The following ADNP2 variants were observed in gnomAD, a reference collection of about 807,000 sequenced individuals.
ADNP2 encodes the protein ADNP homeobox 2.
In ADNP2, 8 loss-of-function variants were observed where a neutral mutation model predicts 16.4. The observed-to-expected ratio is 0.49, with a 90% confidence interval of 0.29 to 0.88. The LOEUF (loss-of-function observed/expected upper bound fraction) is 0.88. Ranked by LOEUF, ADNP2 falls within the 40% of genes least tolerant of loss-of-function variation. The pLI is 0.09. For missense variants in ADNP2, 1,397 were observed against 1,395.1 expected (o/e 1.00, Z -0.02); for synonymous variants, 637 against 545.8 (o/e 1.17, Z -2.33).
At chr18:80,116,696 G>A (rs1042984869) in intron 1 of ADNP2, among the ~76,000 whole-genome samples, 4 of 152,148 alleles carry the variant, frequency 2.6e-5, no homozygotes, top group African/African-American at 9.7e-5. Context: ...GAATATAGTG[G>A]CGTGATCAGA....
At chr18:80,128,200 T>G (rs1427066146) in intron 2 of ADNP2, among the ~76,000 whole-genome samples, 1 of 152,240 alleles carries the variant, frequency 6.6e-6, no homozygotes, top group South Asian at 2.1e-4. Context: ...GTTTTGAAGA[T>G]GTACTGACAG....
chr18:80,117,884 T>C (rs1003347119), intron 2 of ADNP2, among the ~76,000 whole-genome samples: 17 of 152,210 alleles, frequency 1.1e-4, no homozygotes, highest in Admixed American at 1.1e-3. Flanking sequence ...ACTAAAAAAT[T>C]GTTTTTGATG....
In ADNP2 at chr18:80,138,182, G is replaced by A. The variant is rs770122768; in HGVS notation, c.2769G>A (p.Thr923=). 6.2e-6 allele frequency: 10 copies of A among 1,614,006 alleles called. No individual in the cohort carries two copies. Among genetic ancestry groups the A allele is most frequent in the African/African-American group, 2.7e-5 (2 of 74,920 alleles). ...FKCIHCCGVY[T]GNMTLAAIAV... is the part of the protein sequence containing the mutation. ...GCATCCACTGCTGTGGGGTCTACAC[G>A]GGAAATATGACCCTGGCTGCCATCG... is the stretch of plus-strand genomic sequence containing the variant. Residue 923 remains threonine, a synonymous_variant, in exon 4 of 4, where the codon ACG becomes ACA. Transcript: ENST00000262198.
intron 1 of ADNP2, among the ~76,000 whole-genome samples, chr18:80,113,269 C>T (rs1424654053): frequency 1.3e-5 from 2 of 152,106 alleles, no homozygotes; most frequent in African/African-American, 4.8e-5. Context: ...TAAATCTCTC[C>T]TTTTGCTGAG....
intron 2 of ADNP2, among the ~76,000 whole-genome samples, chr18:80,126,345 A>G (rs1568411491): frequency 6.6e-6 from 1 of 152,188 alleles, no homozygotes; most frequent in Non-Finnish European, 1.5e-5. Flanking sequence ...GAAAAAAATT[A>G]TATTGATCTA....
intron 2 of ADNP2, among the ~76,000 whole-genome samples, chr18:80,125,913 G>A (rs2052455574): frequency 6.6e-6 from 1 of 152,194 alleles, no homozygotes. Flanking sequence ...GCAGGATTGA[G>A]TAGTTGTATG....
intron 1 of ADNP2, among the ~76,000 whole-genome samples, chr18:80,116,842 C>T (rs1429577419): frequency 1.3e-5 from 2 of 152,048 alleles, no homozygotes; most frequent in Non-Finnish European, 2.9e-5. Context: ...CACCATGTTG[C>T]CCTGGCTGGT....
At chr18:80,127,238 G>T (rs1450061840) in intron 2 of ADNP2, among the ~76,000 whole-genome samples, 1 of 151,998 alleles carries the variant, frequency 6.6e-6, no homozygotes, top group Non-Finnish European at 1.5e-5. Flanking sequence ...CATCCACTGG[G>T]GTCTTGGAAC....
At chr18:80,132,005 T>C (rs2052500028) in intron 2 of ADNP2, among the ~76,000 whole-genome samples, 1 of 152,232 alleles carries the variant, frequency 6.6e-6, no homozygotes, top group African/African-American at 2.4e-5. Context: ...ATGAAGATTG[T>C]TTTACTTTGA....
intron 1 of ADNP2, among the ~76,000 whole-genome samples, chr18:80,114,644 T>C (rs888852761): frequency 2.0e-5 from 3 of 152,200 alleles, no homozygotes; most frequent in South Asian, 2.1e-4. Context: ...TATAACTATA[T>C]AGATTATCAC....
At chr18:80,117,026 A>G (rs954691911) in intron 1 of ADNP2, among the ~76,000 whole-genome samples, 4 of 152,162 alleles carry the variant, frequency 2.6e-5, no homozygotes, top group Middle Eastern at 3.2e-3. Flanking sequence ...AAACTGGGTT[A>G]TCTGTGTTTT....
intron 1 of ADNP2, among the ~76,000 whole-genome samples, chr18:80,113,499 A>G (rs907525695): frequency 5.8e-4 from 88 of 151,084 alleles, no homozygotes; most frequent in Non-Finnish European, 1.2e-3. Flanking sequence ...TTACCTCAAT[A>G]ATTTTTTGAT....
At chr18:80,123,086 C>G (rs2052435396) in intron 2 of ADNP2, among the ~76,000 whole-genome samples, 1 of 151,910 alleles carries the variant, frequency 6.6e-6, no homozygotes, top group Non-Finnish European at 1.5e-5. Flanking sequence ...ATTTTTTTCC[C>G]CCGTGCTTCA....
chr18:80,118,053 C>T (rs2052400464), intron 2 of ADNP2, among the ~76,000 whole-genome samples: 1 of 151,838 alleles, frequency 6.6e-6, no homozygotes, highest in Non-Finnish European at 1.5e-5. Context: ...AAAAGTTTTC[C>T]TAAAATTTTG....
intron 1 of ADNP2, among the ~76,000 whole-genome samples, chr18:80,111,464 A>G (rs2052356564): frequency 6.6e-6 from 1 of 152,162 alleles, no homozygotes; most frequent in African/African-American, 2.4e-5. Flanking sequence ...ACACAACTCC[A>G]GAATCCTTTT....
chr18:80,135,527 A>G, intron 3 of ADNP2, 85 bp from the exon 4 acceptor site: 1 of 1,313,254 alleles, frequency 7.6e-7, no homozygotes, highest in Non-Finnish European at 1.0e-6. Flanking sequence ...ATTAGAAGAA[A>G]AGGGATCAAG....
chr18:80,123,315 G>A (rs2052437015), intron 2 of ADNP2, among the ~76,000 whole-genome samples: 2 of 152,048 alleles, frequency 1.3e-5, no homozygotes, highest in South Asian at 4.1e-4. Flanking sequence ...CTCGTATCAG[G>A]GAAATGCTGT....
intron 3 of ADNP2, among the ~76,000 whole-genome samples, chr18:80,134,316 G>A (rs186748474): frequency 3.9e-5 from 6 of 152,014 alleles, no homozygotes; most frequent in Admixed American, 3.3e-4. Context: ...CTGAGATCAC[G>A]CCACTGCACT....
chr18:80,119,035 C>G (rs2052407193), intron 2 of ADNP2, among the ~76,000 whole-genome samples: 1 of 152,052 alleles, frequency 6.6e-6, no homozygotes, highest in Non-Finnish European at 1.5e-5. Flanking sequence ...AACCATTACC[C>G]TGAAATATCC....
Sources: gnomAD v4.1 joint callset for allele counts (sites outside exome capture counted in the v4.1 genomes callset) on GRCh38, gnomAD v4.1.1 for gene constraint, MANE v1.5 for transcripts, NCBI Gene and HGNC (gene_info 2026-07-23, HGNC 2026-07-21) for gene names.